The following LIMK1 variants were observed in gnomAD, a reference collection of about 807,000 sequenced individuals.
LIMK1 encodes the protein LIM domain kinase 1.
Under a neutral mutation model 77.6 loss-of-function variants are expected in LIMK1, and 21 were observed. The ratio of observed to expected loss-of-function variants is 0.27; its 90% CI spans 0.19 to 0.39. The LOEUF (loss-of-function observed/expected upper bound fraction) is 0.39, where lower values mean the gene tolerates loss of function less well. Ranked by LOEUF, LIMK1 falls within the 10% of genes least tolerant of loss-of-function variation. The pLI, the probability that LIMK1 is intolerant of heterozygous loss-of-function variation, is 1.00. For missense variants in LIMK1, 696 were observed against 901.6 expected (o/e 0.77, Z 2.92); for synonymous variants, 358 against 370.0 (o/e 0.97, Z 0.37).
At chr7:74,118,068 G>T (rs967678458) in intron 13 of LIMK1, among the ~76,000 whole-genome samples, 1 of 151,036 alleles carries the variant, frequency 6.6e-6, no homozygotes, top group Non-Finnish European at 1.5e-5. Flanking sequence ...ACTCCAGCCT[G>T]GGCAACAGAG....
rs371760803 is a variant in LIMK1, at chr7:74,089,494, C to T, written c.152+3650C>T. Among the ~76,000 whole-genome samples, 11 of 151,658 alleles carry T rather than the reference C, an allele frequency of 7.3e-5. No homozygotes were observed. In the South Asian group the frequency reaches 2.1e-3, roughly 29 times the overall value. The stretch of plus-strand genomic sequence containing the variant: ...GCCAGCCTGGGTGACAGAGTGAAAT[C>T]CCATCTCAAAAAAAAGAAAGAAAGG... On this transcript the variant is annotated intron_variant, in intron 2 of 15. Transcript: ENST00000336180.
chr7:74,101,823 T>G (rs13224585), intron 5 of LIMK1, among the ~76,000 whole-genome samples: 10 of 129,026 alleles, frequency 7.8e-5, no homozygotes, highest in African/African-American at 2.0e-4. Context: ...TATATATATA[T>G]AGACACACAA....
At chr7:74,106,973 T>TC in intron 7 of LIMK1, 37 bp from the exon 8 acceptor site, 2 of 1,513,808 alleles carry the variant, frequency 1.3e-6, no homozygotes, top group East Asian at 2.4e-5. Context: ...GTGCTACCTG[T>TC]CCCCCGGTGG....
intron 13 of LIMK1, 45 bp from the exon 14 acceptor site, chr7:74,120,538 G>A: frequency 6.2e-7 from 1 of 1,607,196 alleles, no homozygotes; most frequent in East Asian, 2.2e-5. Flanking sequence ...GGCATCCCTG[G>A]CACCCCCATG....
Position 74,107,025 on chromosome 7 carries a change from C to T in LIMK1, c.897C>T (p.Ile299=), listed in dbSNP as rs200814539. The change falls in exon 8 of 16, where the codon ATC becomes ATT. Residue 299 remains isoleucine (I), a synonymous_variant. Transcript: ENST00000336180. ...RQKPVLRSCS[I]DRSPGAGSLG... Reference sequence around the variant, plus strand: ...TGCCCCCCAGGAGGAGCTGCAGCATCGACAGGTCTCCGGGCGCTGGCTCAC... The same window carrying T: ...TGCCCCCCAGGAGGAGCTGCAGCATTGACAGGTCTCCGGGCGCTGGCTCAC... 1.8e-5 allele frequency: 28 copies of T among 1,592,262 alleles called. No homozygotes were observed. The highest frequency in any genetic ancestry group is 2.2e-4 in the Middle Eastern group (1 of 4,606).
At position 74,111,649 on chromosome 7, in the gene LIMK1, A is replaced by G. The variant is rs782672759; in HGVS notation, c.1286A>G (p.Asp429Gly). Residue 429 changes from aspartate to glycine, a missense_variant and splice_region_variant, in exon 11 of 16, where the codon GAC becomes GGC. Transcript: ENST00000336180. ...CTGGCCATTCTTTCTCCATCCCAGGACAGCCAGTACCCATGGAGCCAGAGA... is the reference window on the plus strand; with the variant it reads ...CTGGCCATTCTTTCTCCATCCCAGGGCAGCCAGTACCCATGGAGCCAGAGA... Reference protein sequence around the residue: ...GTLRGIIKSMDSQYPWSQRVS... With the variant: ...GTLRGIIKSMGSQYPWSQRVS... 1.2e-6 allele frequency: 2 copies of G among 1,612,418 alleles called. No homozygotes were observed. Among genetic ancestry groups the G allele is most frequent in the Middle Eastern group, 1.7e-4 (1 of 6,060 alleles).
At chr7:74,088,152 C>T (rs561422446) in intron 2 of LIMK1, among the ~76,000 whole-genome samples, 1 of 152,304 alleles carries the variant, frequency 6.6e-6, no homozygotes, top group South Asian at 2.1e-4. Flanking sequence ...AAGTACTTTG[C>T]ATAGTTAGAT....
chr7:74,104,806 A>G (rs1397955198), intron 5 of LIMK1, among the ~76,000 whole-genome samples: 4 of 152,086 alleles, frequency 2.6e-5, no homozygotes, highest in African/African-American at 7.2e-5. Context: ...CCTCCTGCCA[A>G]TGCAGGAGCA....
rs1469906146 is a variant in LIMK1 at position 74,114,497 on chromosome 7, G to A, written c.1411-1305G>A. Among the ~76,000 whole-genome samples, 3 of 151,106 alleles carry A rather than the reference G, an allele frequency of 2.0e-5. No homozygotes were observed. In the East Asian group the frequency reaches 5.8e-4, roughly 29 times the overall value. ...GCCTGGGAAGTTGAGGCTGCAATGA[G>A]CTGTGTTCGTGCCACTGCACTCCAG... On this transcript the variant is annotated intron_variant, in intron 12 of 15. Transcript: ENST00000336180.
intron 9 of LIMK1, among the ~76,000 whole-genome samples, chr7:74,108,174 C>T (rs1799620040): frequency 6.6e-6 from 1 of 151,650 alleles, no homozygotes; most frequent in Non-Finnish European, 1.5e-5. Context: ...CCCGTCTCTA[C>T]AAAAAAATTT....
chr7:74,095,797 T>C (rs963653539), intron 2 of LIMK1, among the ~76,000 whole-genome samples: 38 of 152,078 alleles, frequency 2.5e-4, no homozygotes, highest in Middle Eastern at 6.8e-3. Context: ...AAGCCGGGAA[T>C]GTAGGTCTAA....
intron 2 of LIMK1, chr7:74,094,231 AG>A (rs2115648085): frequency 6.6e-6 from 1 of 152,382 alleles, no homozygotes; most frequent in Non-Finnish European, 1.5e-5. Context: ...ACAGGCATCA[AG>A]GAAGTGGTGA....
intron 2 of LIMK1, among the ~76,000 whole-genome samples, chr7:74,091,146 G>A (rs1279836196): frequency 1.3e-5 from 2 of 151,954 alleles, no homozygotes; most frequent in African/African-American, 4.8e-5. Context: ...GGATGGTCTC[G>A]ATCTCCTGAC....
At chr7:74,099,488 C>T (rs953022820) in intron 5 of LIMK1, among the ~76,000 whole-genome samples, 2 of 152,092 alleles carry the variant, frequency 1.3e-5, no homozygotes, top group South Asian at 2.1e-4. Context: ...CTCAGCACTT[C>T]GGGAGGCCGA....
rs1799640356 is a variant in LIMK1, at chr7:74,108,976, G to A, written c.1224G>A (p.Arg408=). The A allele has an allele frequency of 1.2e-6, 2 of 1,613,964 alleles. No homozygotes were observed. Among genetic ancestry groups the A allele is most frequent in the African/African-American group, 2.7e-5 (2 of 74,926 alleles). ...TCGGGGTGCTCTACAAGGACAAGAG[G>A]CTCAACTTCATCACTGAGTACATCA... ...KFIGVLYKDK[R]LNFITEYIKG... is the part of the protein sequence containing the mutation. The change falls in exon 10 of 16, where the codon AGG becomes AGA. Residue 408 remains arginine, a synonymous_variant. Coordinates refer to ENST00000336180, the MANE Select transcript of LIMK1 (RefSeq NM_002314.4).
intron 7 of LIMK1, 104 bp downstream of exon 7, chr7:74,106,347 C>A: frequency 7.5e-7 from 1 of 1,334,106 alleles, no homozygotes; most frequent in South Asian, 1.4e-5. Context: ...AAATGCAGCC[C>A]AGGCTTGAGC....
chr7:74,104,916 C>A (rs1799537308), intron 5 of LIMK1, among the ~76,000 whole-genome samples: 1 of 152,162 alleles, frequency 6.6e-6, no homozygotes, highest in South Asian at 2.1e-4. Context: ...CTGCCCCAAG[C>A]ATACCAGGCA....
chr7:74,084,195 T>G, intron 1 of LIMK1, 150 bp downstream of exon 1: 3 of 327,182 alleles, frequency 9.2e-6, no homozygotes, highest in East Asian at 4.7e-5. Context: ...CCCCTCCCTG[T>G]CCCCCTCCCG....
intron 12 of LIMK1, among the ~76,000 whole-genome samples, chr7:74,114,531 A>G (rs1261319356): frequency 6.7e-6 from 1 of 150,372 alleles, no homozygotes; most frequent in African/African-American, 2.5e-5. Context: ...AGCCTGGGCC[A>G]CGGGAGGGAG....
Sources: gnomAD v4.1 joint callset for allele counts (sites outside exome capture counted in the v4.1 genomes callset) on GRCh38, gnomAD v4.1.1 for gene constraint, MANE v1.5 for transcripts, NCBI Gene and HGNC (gene_info 2026-07-23, HGNC 2026-07-21) for gene names.